The following NECAB3 variants were observed in gnomAD, a reference collection of about 807,000 sequenced individuals.
The protein encoded by NECAB3 is N-terminal EF-hand calcium binding protein 3.
NECAB3 carries 38 observed loss-of-function variants against 57.2 expected under a neutral mutation model. The ratio of observed to expected loss-of-function variants is 0.66; its 90% CI spans 0.51 to 0.87. NECAB3 has a LOEUF of 0.87. Ranked by LOEUF, NECAB3 falls within the 40% of genes least tolerant of loss-of-function variation. NECAB3 has a pLI of 0.00. For synonymous variants in NECAB3, 223 were observed against 222.6 expected (o/e 1.00, Z -0.02); for missense variants, 474 against 527.5 (o/e 0.90, Z 0.99).
intron 5 of NECAB3, chr20:33,663,961 G>T: frequency 8.8e-7 from 1 of 1,140,556 alleles, no homozygotes; most frequent in Non-Finnish European, 1.2e-6. Context: ...GTCGGGGTGG[G>T]CAAAGCTCAG....
intron 5 of NECAB3, chr20:33,667,417 G>C (rs1014382432): frequency 7.1e-7 from 1 of 1,407,466 alleles, no homozygotes; most frequent in African/African-American, 1.5e-5. Flanking sequence ...GCTGGTGAGC[G>C]ACTCGCCGTT....
rs751174606 is a variant in NECAB3 at position 33,660,343 on chromosome 20, C to A, written c.440G>T (p.Arg147Leu). The A allele has an allele frequency of 1.9e-6, 3 of 1,613,482 alleles. No homozygotes were observed. Among genetic ancestry groups the A allele is most frequent in the South Asian group, 1.1e-5 (1 of 91,082 alleles). Residue 147 changes from arginine (R) to leucine (L), a missense_variant, in exon 6 of 12, where the codon CGG becomes CTG. Coordinates refer to ENST00000246190, the MANE Select transcript of NECAB3 (RefSeq NM_031232.4). This position sits in a 1 kb window ranked among gnomAD's most constrained non-coding sequence, Gnocchi z 4.1. ...VDQFVTRFLL[R>L]ETVSQLQALQ... ...GGCTTGCAGCTGGCTCACCGTCTCC[C>A]GCAGCAGGAAGCGCGTCACAAACTG...
chr20:33,657,970 CG>C lies in NECAB3; in HGVS notation c.1133del (p.Pro378ArgfsTer15). On this transcript the variant is annotated frameshift_variant, in exon 11 of 12. Coordinates refer to ENST00000246190, the MANE Select transcript of NECAB3 (RefSeq NM_031232.4). LOFTEE classifies it high-confidence loss of function. ...QRILIDHLRA[P>X]DTLTTVFFPA... is the part of the protein sequence containing the mutation. ...GGAAGAACACAGTGGTGAGGGTGTCCGGGGCCCGCAGGTGGTCGATGAGGAT... is the reference window on the plus strand; with the variant it reads ...GGAAGAACACAGTGGTGAGGGTGTCCGGGCCCGCAGGTGGTCGATGAGGAT... The C allele has an allele frequency of 1.3e-6, 2 of 1,557,562 alleles. No individual in the cohort carries two copies. The highest frequency in any genetic ancestry group is 2.4e-5 in the East Asian group (1 of 41,254).
intron 9 of NECAB3, 55 bp from the exon 10 acceptor site, chr20:33,658,609 C>T: frequency 3.1e-6 from 5 of 1,608,820 alleles, no homozygotes; most frequent in Non-Finnish European, 4.3e-6. Context: ...ACCTCTGCCT[C>T]CCCGGCCTGG....
chr20:33,669,627 C>T, intron 4 of NECAB3, 60 bp downstream of exon 4: 1 of 1,552,742 alleles, frequency 6.4e-7, no homozygotes, highest in Non-Finnish European at 8.7e-7. Context: ...CAGTCCCTTG[C>T]CACACGTACC....
chr20:33,658,886 G>T, intron 8 of NECAB3, 52 bp from the exon 9 acceptor site: 1 of 1,344,730 alleles, frequency 7.4e-7, no homozygotes, highest in Non-Finnish European at 1.1e-6. Context: ...ACAGGGGAGG[G>T]ACTGGCTGTG....
chr20:33,669,405 T>G lies in NECAB3; in HGVS notation c.357A>C (p.Ala119=). ...VLAALESLNR[A]VLAAMDATKL... The stretch of plus-strand genomic sequence containing the variant: ...TGGTGGCATCCATGGCAGCGAGCAC[T>G]GCACGGTTCAGCGATTCCAATGCAG... Residue 119 remains alanine (A), a synonymous_variant, in exon 5 of 12, where the codon GCA becomes GCC. Coordinates refer to ENST00000246190, the MANE Select transcript of NECAB3 (RefSeq NM_031232.4). 1.2e-6 allele frequency: 2 copies of G among 1,613,596 alleles called. No homozygotes were observed. The highest frequency in any genetic ancestry group is 1.7e-6 in the Non-Finnish European group (2 of 1,180,030).
intron 5 of NECAB3, among the ~76,000 whole-genome samples, chr20:33,663,141 A>G (rs2017533699): frequency 6.6e-6 from 1 of 152,198 alleles, no homozygotes. Flanking sequence ...TCCTCTCTTC[A>G]GCTCCTAGGC....
rs114233814 is a variant in NECAB3 at position 33,668,952 on chromosome 20, C to T, written c.387+423G>A. Among the ~76,000 whole-genome samples the T allele has an allele frequency of 5.1e-3, 773 of 152,334 alleles. 6 individuals carry two copies. Among genetic ancestry groups the T allele is most frequent in the African/African-American group, 0.018 (729 of 41,582 alleles). ...GTACCTGCCTACTCACGTATGTCCTCGGGCCAGGCCCTGCCCTGTGAACCT... is the reference window on the plus strand; with the variant it reads ...GTACCTGCCTACTCACGTATGTCCTTGGGCCAGGCCCTGCCCTGTGAACCT... On this transcript the variant is annotated intron_variant, in intron 5 of 11. Coordinates refer to ENST00000246190, the MANE Select transcript of NECAB3 (RefSeq NM_031232.4).
At chr20:33,666,298 A>C (rs1322425557) in intron 5 of NECAB3, among the ~76,000 whole-genome samples, 1 of 152,244 alleles carries the variant, frequency 6.6e-6, no homozygotes, top group East Asian at 1.9e-4. Context: ...TGGGAAAGGA[A>C]TCAGACTGTG....
chr20:33,659,392 C>G (rs2017384260), intron 8 of NECAB3, 105 bp downstream of exon 8: 1 of 1,004,988 alleles, frequency 1.0e-6, no homozygotes, highest in African/African-American at 1.6e-5. Flanking sequence ...GGGCGGGGCA[C>G]ATGCGCACTG....
At chr20:33,658,080 C>A (rs2017343216) in intron 10 of NECAB3, 47 bp from the exon 11 acceptor site, 1 of 1,506,116 alleles carries the variant, frequency 6.6e-7, no homozygotes. Flanking sequence ...CACTCCCGCC[C>A]CATCCTGCTG....
At chr20:33,673,602 G>A (rs917026808) in intron 1 of NECAB3, among the ~76,000 whole-genome samples, 5 of 152,170 alleles carry the variant, frequency 3.3e-5, no homozygotes, top group East Asian at 1.9e-4. Flanking sequence ...CTGTGGTCAA[G>A]GTGCTGAGTC....
intron 1 of NECAB3, among the ~76,000 whole-genome samples, chr20:33,673,925 CCA>C (rs372568992): frequency 2.6e-5 from 4 of 152,088 alleles, no homozygotes; most frequent in East Asian, 1.9e-4. Flanking sequence ...CCTGGAGCTG[CCA>C]CAGAGTGGGG....
chr20:33,663,701 T>C (rs777539750), intron 5 of NECAB3: 3 of 1,566,314 alleles, frequency 1.9e-6, no homozygotes, highest in East Asian at 2.4e-5. Context: ...CTGCTGCTGC[T>C]GCGGCGGCAA....
intron 2 of NECAB3, among the ~76,000 whole-genome samples, chr20:33,671,192 C>G (rs990474291): frequency 6.6e-6 from 1 of 152,182 alleles, no homozygotes; most frequent in Admixed American, 6.5e-5. Context: ...TTCTCTGGAC[C>G]CAGGACCTTC....
Position 33,659,902 on chromosome 20 carries a change from G to C in NECAB3, c.626C>G (p.Pro209Arg). 1 of 1,546,766 alleles carries C rather than the reference G, an allele frequency of 6.5e-7. No individual in the cohort carries two copies. Residue 209 changes from proline (P) to arginine (R), a missense_variant, in exon 7 of 12, where the codon CCC (proline) becomes CGC (arginine). Pro to Arg is a moderately radical substitution (Grantham distance 103). Coordinates refer to ENST00000246190, the MANE Select transcript of NECAB3 (RefSeq NM_031232.4). ...AGGCGCACCTGTGTCAGAAGAGCCG[G>C]GGGACCAGGTGGATGACCGGCTGAC... Reference protein sequence around the residue: ...RSVSRSSTWSPGSSDTGRSSE... With the variant: ...RSVSRSSTWSRGSSDTGRSSE...
chr20:33,663,330 C>G, intron 5 of NECAB3: 1 of 577,518 alleles, frequency 1.7e-6, no homozygotes, highest in East Asian at 3.3e-5. Flanking sequence ...GAGTCCGGGG[C>G]GCCACGCAGG....
Position 33,674,381 on chromosome 20 carries a change from C to T in NECAB3, c.-29G>A, listed in dbSNP as rs1441298725. ...GCCGCCACCCGCTCGGGCTCGGCTG[C>T]GGTTGCTGCCGACCCTGGACGCCGC... On this transcript the variant is annotated 5_prime_UTR_variant, in exon 1 of 12. Transcript: ENST00000246190. The T allele has an allele frequency of 8.7e-7, 1 of 1,154,786 alleles. No homozygotes were observed. The highest frequency in any genetic ancestry group is 1.1e-6 in the Non-Finnish European group (1 of 938,720). The allele number at this position is 1,154,786 out of a possible 1,614,324, so 71.5% of individuals were successfully genotyped here.
Sources: allele counts gnomAD v4.1 joint callset (sites outside exome capture counted in the v4.1 genomes callset), GRCh38; gene constraint gnomAD v4.1.1; non-coding constraint Gnocchi (gnomAD v3.1); transcripts MANE v1.5; gene names NCBI Gene and HGNC (gene_info 2026-07-23, HGNC 2026-07-21).